Variants in CDC42BPA observed in about 807,000 individuals in gnomAD.
The protein encoded by CDC42BPA is CDC42 binding protein kinase alpha, also known as serine/threonine-protein kinase MRCK alpha.
A neutral mutation model predicts 223.5 loss-of-function variants in CDC42BPA; 80 were observed. That is an observed-to-expected ratio of 0.36 (90% CI 0.30 to 0.43). The LOEUF (loss-of-function observed/expected upper bound fraction) is 0.43, where lower values mean the gene tolerates loss of function less well. Among genes scored for constraint, CDC42BPA ranks in the 20% least tolerant of loss-of-function variants. CDC42BPA has a pLI of 1.00. For missense variants in CDC42BPA, 1,743 were observed against 2,099.9 expected (o/e 0.83, Z 3.32); for synonymous variants, 694 against 718.6 (o/e 0.97, Z 0.55).
intron 1 of CDC42BPA, among the ~76,000 whole-genome samples, chr1:227,296,125 T>C (rs894993306): frequency 7.9e-5 from 12 of 152,148 alleles, no homozygotes; most frequent in African/African-American, 2.7e-4. Context: ...TACAAAACTA[T>C]AGCAATCCAG....
chr1:227,067,549 A>T (rs1677347415), intron 21 of CDC42BPA, among the ~76,000 whole-genome samples: 1 of 152,214 alleles, frequency 6.6e-6, no homozygotes, highest in Non-Finnish European at 1.5e-5. Context: ...AGCAGATTAT[A>T]ACATGCAATA....
chr1:227,176,932 T>C (rs1277028905), intron 5 of CDC42BPA, among the ~76,000 whole-genome samples: 2 of 151,928 alleles, frequency 1.3e-5, no homozygotes, highest in Non-Finnish European at 1.5e-5. Flanking sequence ...GATAAAGTAG[T>C]TTTCTCTCCC....
intron 35 of CDC42BPA, among the ~76,000 whole-genome samples, chr1:226,997,648 G>T (rs1017688702): frequency 2.0e-5 from 3 of 152,144 alleles, no homozygotes; most frequent in Non-Finnish European, 4.4e-5. Context: ...CTGGTATGTT[G>T]TGTCTTTGTT....
At chr1:227,198,050 T>C (rs1357350641) in intron 4 of CDC42BPA, among the ~76,000 whole-genome samples, 2 of 152,200 alleles carry the variant, frequency 1.3e-5, no homozygotes. Context: ...ATATGGCTTA[T>C]ATGATAATTC....
chr1:227,043,369 C>T (rs1175585493), intron 23 of CDC42BPA, among the ~76,000 whole-genome samples: 1 of 148,610 alleles, frequency 6.7e-6, no homozygotes, highest in Non-Finnish European at 1.5e-5. Context: ...GCTGAGATCA[C>T]GCCACTGCAC....
intron 31 of CDC42BPA, among the ~76,000 whole-genome samples, chr1:227,024,252 T>C (rs1455571713): frequency 2.0e-5 from 3 of 152,132 alleles, no homozygotes. Flanking sequence ...ATTAGCAACA[T>C]GCAAACTGAA....
chr1:227,274,636 T>C (rs1388824671), intron 1 of CDC42BPA, among the ~76,000 whole-genome samples: 1 of 152,026 alleles, frequency 6.6e-6, no homozygotes, highest in Admixed American at 6.5e-5. Flanking sequence ...ATACAAAGAT[T>C]TCACACCACA....
chr1:227,246,660 G>C (rs1681024009), intron 2 of CDC42BPA, among the ~76,000 whole-genome samples: 1 of 150,946 alleles, frequency 6.6e-6, no homozygotes, highest in South Asian at 2.1e-4. Flanking sequence ...AAACCACTGT[G>C]TTATTGGCCT....
chr1:226,992,352 T>C lies in CDC42BPA; in HGVS notation c.*1916A>G, dbSNP rs1660858200. ...CTGAGCTGGCACCAAACTCAGAATG[T>C]TTAAATGTCAAAGCTGTTACATGAA... On this transcript the variant is annotated 3_prime_UTR_variant, in exon 37 of 37. Transcript: ENST00000366766. 1 of 152,234 alleles carries C rather than the reference T, an allele frequency of 6.6e-6. No individual in the cohort carries two copies. Among genetic ancestry groups the C allele is most frequent in the Non-Finnish European group, 1.5e-5 (1 of 68,034 alleles). The allele number at this position is 152,234 out of a possible 1,614,324, so 9.4% of individuals were successfully genotyped here.
At chr1:227,019,505 A>T (rs1224828433) in intron 32 of CDC42BPA, among the ~76,000 whole-genome samples, 7 of 152,132 alleles carry the variant, frequency 4.6e-5, no homozygotes, top group Non-Finnish European at 8.8e-5. Flanking sequence ...TGGCATCTAG[A>T]ATGGTGAATC....
chr1:227,248,660 G>C (rs1243818315), intron 2 of CDC42BPA, among the ~76,000 whole-genome samples: 2 of 151,880 alleles, frequency 1.3e-5, no homozygotes, highest in African/African-American at 2.4e-5. Context: ...ACAAAAAAAT[G>C]TAAAAATTCA....
intron 2 of CDC42BPA, among the ~76,000 whole-genome samples, chr1:227,237,360 C>T (rs1045484392): frequency 3.9e-5 from 6 of 152,148 alleles, no homozygotes; most frequent in African/African-American, 1.4e-4. Flanking sequence ...TCCTGTCTAC[C>T]CCATTCCCTC....
intron 11 of CDC42BPA, among the ~76,000 whole-genome samples, chr1:227,122,902 T>A (rs1235482099): frequency 1.3e-5 from 2 of 152,192 alleles, no homozygotes; most frequent in African/African-American, 4.8e-5. Context: ...ATAGCAAATA[T>A]GGCTATAATT....
At chr1:227,032,743 T>C (rs34413322) in intron 27 of CDC42BPA, among the ~76,000 whole-genome samples, 379 of 152,152 alleles carry the variant, frequency 2.5e-3, no homozygotes, top group South Asian at 5.8e-3. Context: ...AGAGACCACA[T>C]GGAGGGAGTT....
intron 1 of CDC42BPA, among the ~76,000 whole-genome samples, chr1:227,265,630 TAAAAA>T (rs77731029): frequency 2.3e-5 from 3 of 133,124 alleles, no homozygotes; most frequent in Non-Finnish European, 4.9e-5. Flanking sequence ...GACTCCGTCT[TAAAAA>T]AAAAAAAAAA....
intron 12 of CDC42BPA, among the ~76,000 whole-genome samples, 171 bp from the exon 13 acceptor site, chr1:227,113,084 T>C (rs1046464623): frequency 6.6e-6 from 1 of 152,226 alleles, no homozygotes; most frequent in Non-Finnish European, 1.5e-5. Flanking sequence ...TGTCCTGATA[T>C]AGTCTCAATT....
chr1:227,031,938 G>GA (rs1403839360), intron 27 of CDC42BPA, among the ~76,000 whole-genome samples: 1 of 152,088 alleles, frequency 6.6e-6, no homozygotes, highest in South Asian at 2.1e-4. Context: ...TTTTATATAT[G>GA]AAAAAAATGG....
intron 10 of CDC42BPA, among the ~76,000 whole-genome samples, chr1:227,129,988 T>C (rs936814829): frequency 2.0e-5 from 3 of 152,164 alleles, no homozygotes; most frequent in African/African-American, 7.2e-5. Context: ...GGCTCAACAA[T>C]TTAGCTAAAA....
At chr1:227,255,746 T>C (rs1444482175) in intron 1 of CDC42BPA, among the ~76,000 whole-genome samples, 1 of 152,114 alleles carries the variant, frequency 6.6e-6, no homozygotes, top group Non-Finnish European at 1.5e-5. Context: ...ATTTAACCAA[T>C]GAGGTGAAAG....
Sources: gnomAD v4.1 joint callset for allele counts (sites outside exome capture counted in the v4.1 genomes callset) on GRCh38, gnomAD v4.1.1 for gene constraint, MANE v1.5 for transcripts, NCBI Gene and HGNC (gene_info 2026-07-23, HGNC 2026-07-21) for gene names.